The following RNGTT variants were observed in gnomAD, a reference collection of about 807,000 sequenced individuals.
The protein encoded by RNGTT is mRNA-capping enzyme.
Under a neutral mutation model 79.3 loss-of-function variants are expected in RNGTT, and 33 were observed. The observed-to-expected ratio is 0.42, with a 90% CI of 0.32 to 0.56. RNGTT has a LOEUF of 0.56. Among genes scored for constraint, RNGTT ranks in the 20% least tolerant of loss-of-function variants. The pLI is 0.17. For synonymous variants in RNGTT, 222 were observed against 235.9 expected (o/e 0.94, Z 0.54); for missense variants, 497 against 739.1 (o/e 0.67, Z 3.80).
chr6:88,777,465 C>T (rs1778927051), intron 12 of RNGTT, among the ~76,000 whole-genome samples: 1 of 152,164 alleles, frequency 6.6e-6, no homozygotes. Context: ...GTAAATCTTC[C>T]AATTCATTAA....
intron 6 of RNGTT, among the ~76,000 whole-genome samples, chr6:88,899,234 T>C (rs1359776091): frequency 1.3e-5 from 2 of 151,602 alleles, no homozygotes; most frequent in African/African-American, 2.4e-5. Flanking sequence ...TCAAGACTAA[T>C]TGCTTTCTCC....
chr6:88,802,859 G>C (rs554475612), intron 11 of RNGTT, among the ~76,000 whole-genome samples: 2 of 152,262 alleles, frequency 1.3e-5, no homozygotes, highest in South Asian at 4.1e-4. Context: ...ACAACACCAG[G>C]TTATCTAGAC....
intron 5 of RNGTT, among the ~76,000 whole-genome samples, 197 bp downstream of exon 5, chr6:88,906,168 T>C (rs1193804571): frequency 6.6e-6 from 1 of 151,770 alleles, no homozygotes; most frequent in Non-Finnish European, 1.5e-5. Flanking sequence ...AAAACATACA[T>C]ATATACACAT....
chr6:88,901,495 CTTTTTTTTTTTTTTT>C (rs71024314), intron 6 of RNGTT, among the ~76,000 whole-genome samples: 2 of 65,776 alleles, frequency 3.0e-5, no homozygotes, highest in Admixed American at 1.8e-4. Flanking sequence ...GCACCCTGAT[CTTTTTTTTTTTTTTT>C]TTTTTTTTTT....
chr6:88,690,549 T>C (rs1030386710), intron 13 of RNGTT, among the ~76,000 whole-genome samples: 4 of 147,198 alleles, frequency 2.7e-5, no homozygotes, highest in Non-Finnish European at 6.0e-5. Flanking sequence ...TCTACAATGA[T>C]TTTTTTTTTT....
intron 6 of RNGTT, 94 bp downstream of exon 6, chr6:88,904,621 T>C (rs1435924441): frequency 1.2e-5 from 17 of 1,390,708 alleles, no homozygotes; most frequent in African/African-American, 2.9e-5. Context: ...CAAACCTAGC[T>C]AAAGAAACAT....
At chr6:88,841,240 A>G (rs1052630328) in intron 11 of RNGTT, among the ~76,000 whole-genome samples, 3 of 152,208 alleles carry the variant, frequency 2.0e-5, no homozygotes, top group African/African-American at 7.2e-5. Context: ...TCGAAAGATC[A>G]TAGCGGCAGA....
At chr6:88,886,971 G>C (rs1295184096) in intron 8 of RNGTT, among the ~76,000 whole-genome samples, 2 of 148,990 alleles carry the variant, frequency 1.3e-5, no homozygotes, top group African/African-American at 2.5e-5. Flanking sequence ...AGTACTTCAG[G>C]AGGCCAACAG....
At chr6:88,720,463 T>C (rs1019519389) in intron 13 of RNGTT, among the ~76,000 whole-genome samples, 1 of 152,042 alleles carries the variant, frequency 6.6e-6, no homozygotes, top group African/African-American at 2.4e-5. Flanking sequence ...ACCACCTCTC[T>C]GGGAACATTC....
chr6:88,726,295 G>C (rs906569050), intron 13 of RNGTT, among the ~76,000 whole-genome samples: 63 of 150,712 alleles, frequency 4.2e-4, no homozygotes, highest in Middle Eastern at 3.5e-3. Flanking sequence ...ATCTGTACCG[G>C]CAACTGCTCT....
intron 12 of RNGTT, among the ~76,000 whole-genome samples, chr6:88,794,815 T>A (rs369670848): frequency 2.0e-5 from 3 of 152,200 alleles, no homozygotes; most frequent in Admixed American, 1.3e-4. Context: ...AGAGAAAAGA[T>A]AGAAAAAGAT....
chr6:88,952,977 T>C (rs1469347771), intron 1 of RNGTT, among the ~76,000 whole-genome samples: 1 of 152,170 alleles, frequency 6.6e-6, no homozygotes, highest in Non-Finnish European at 1.5e-5. Flanking sequence ...AACAGACGCC[T>C]TGAGTTTCAG....
intron 13 of RNGTT, among the ~76,000 whole-genome samples, chr6:88,744,994 GT>G (rs1476775581): frequency 1.3e-5 from 2 of 152,092 alleles, no homozygotes; most frequent in Non-Finnish European, 2.9e-5. Context: ...TTAAAACAAA[GT>G]ATTTTTCCTG....
At chr6:88,841,178 C>T (rs745637093) in intron 11 of RNGTT, among the ~76,000 whole-genome samples, 2 of 152,070 alleles carry the variant, frequency 1.3e-5, no homozygotes, top group African/African-American at 2.4e-5. Context: ...TTGTAGGTAC[C>T]CCCTTAATAT....
chr6:88,751,537 AT>A (rs1777839682), intron 13 of RNGTT, among the ~76,000 whole-genome samples: 1 of 152,136 alleles, frequency 6.6e-6, no homozygotes. Context: ...CCTGGACTTC[AT>A]TTGATGACTG....
Position 88,928,300 on chromosome 6 carries a change from A to C in RNGTT, c.367+685T>G, listed in dbSNP as rs377706359. Among the ~76,000 whole-genome samples the C allele has an allele frequency of 5.3e-5, 8 of 152,332 alleles. No individual in the cohort carries two copies. The East Asian group carries it at 9.6e-4, about 18-fold the overall frequency. Reference sequence around the variant, plus strand: ...CCACTCCTAGCAGCATTGTTTATAAAAGCAAAACAACAACAACAACAAACC... The same window carrying C: ...CCACTCCTAGCAGCATTGTTTATAACAGCAAAACAACAACAACAACAAACC... On this transcript the variant is annotated intron_variant, in intron 4 of 15. Coordinates refer to ENST00000369485, the MANE Select transcript of RNGTT (RefSeq NM_003800.5).
rs145755726 is a variant in RNGTT at position 88,920,578 on chromosome 6, GT to G, written c.367+8406del. Among the ~76,000 whole-genome samples, 732 of 152,146 alleles carry G rather than the reference GT, an allele frequency of 4.8e-3. 3 individuals are homozygous for G. Among genetic ancestry groups the G allele is most frequent in the African/African-American group, 0.017 (694 of 41,492 alleles). ...ATGACTAGAACCTACACAGCTTAAG[GT>G]AATACTGAGGCCTTTATCTGAATAA... On this transcript the variant is annotated intron_variant, in intron 4 of 15. Transcript: ENST00000369485.
intron 11 of RNGTT, among the ~76,000 whole-genome samples, chr6:88,804,561 C>G (rs1779895636): frequency 6.6e-6 from 1 of 151,902 alleles, no homozygotes; most frequent in Admixed American, 6.5e-5. Flanking sequence ...AGATAAAATT[C>G]TTGAAGGAAA....
chr6:88,877,448 A>C (rs1335628891), intron 8 of RNGTT, among the ~76,000 whole-genome samples: 1 of 152,208 alleles, frequency 6.6e-6, no homozygotes, highest in Non-Finnish European at 1.5e-5. Context: ...GCTTTTCAAA[A>C]ATGCATTTTC....
Sources: allele counts gnomAD v4.1 joint callset (sites outside exome capture counted in the v4.1 genomes callset), GRCh38; gene constraint gnomAD v4.1.1; transcripts MANE v1.5; gene names NCBI Gene and HGNC (gene_info 2026-07-23, HGNC 2026-07-21).